MACROD2: variants seen among roughly 807,000 people sequenced by gnomAD.
MACROD2 encodes mono-ADP ribosylhydrolase 2.
In MACROD2, 36 loss-of-function variants were observed where a neutral mutation model predicts 70.4. The observed-to-expected ratio is 0.51, with a 90% CI of 0.39 to 0.68. The LOEUF (loss-of-function observed/expected upper bound fraction) is 0.68, where lower values mean the gene tolerates loss of function less well. MACROD2 is among the 30% of genes least tolerant of loss of function. MACROD2 has a pLI of 0.00. For missense variants in MACROD2, 496 were observed against 538.4 expected (o/e 0.92, Z 0.78); for synonymous variants, 172 against 178.8 (o/e 0.96, Z 0.30).
At chr20:15,934,844 C>T (rs767415049) in intron 11 of MACROD2, among the ~76,000 whole-genome samples, 17 of 151,964 alleles carry the variant, frequency 1.1e-4, no homozygotes, top group African/African-American at 1.5e-4. Context: ...ACTACAGGCA[C>T]GCACCACCAT....
intron 3 of MACROD2, among the ~76,000 whole-genome samples, chr20:14,176,720 G>A (rs1269011620): frequency 6.6e-6 from 1 of 152,110 alleles, no homozygotes; most frequent in Non-Finnish European, 1.5e-5. Context: ...AAGAAGAAAT[G>A]TTATGCTCTT....
intron 10 of MACROD2, among the ~76,000 whole-genome samples, chr20:15,904,085 C>T (rs1939668146): frequency 6.6e-6 from 1 of 152,202 alleles, no homozygotes; most frequent in African/African-American, 2.4e-5. Flanking sequence ...ACTATTCATA[C>T]AGTCTTCTTG....
Position 14,357,682 on chromosome 20 carries a change from C to T in MACROD2, c.272-135797C>T, listed in dbSNP as rs187240605. Among the ~76,000 whole-genome samples the T allele has an allele frequency of 3.9e-5, 6 of 152,334 alleles. No individual in the cohort carries two copies. In the East Asian group the frequency reaches 1.2e-3, roughly 29 times the overall value. ...GAAGTGTGATTTCCACTGGCTTCTC[C>T]TTAGAACTCTGGGTTGCAAACAACT... On this transcript the variant is annotated intron_variant, in intron 3 of 17. Coordinates refer to ENST00000684519, the MANE Select transcript of MACROD2 (RefSeq NM_001351661.2).
At chr20:15,786,945 A>C (rs1370010523) in intron 8 of MACROD2, among the ~76,000 whole-genome samples, 2 of 152,066 alleles carry the variant, frequency 1.3e-5, no homozygotes, top group Non-Finnish European at 2.9e-5. Context: ...TGTAGGAATA[A>C]AGAAAATTTT....
chr20:15,528,715 A>G (rs1600539419), intron 8 of MACROD2, among the ~76,000 whole-genome samples: 1 of 141,254 alleles, frequency 7.1e-6, no homozygotes, highest in Non-Finnish European at 1.5e-5. Context: ...GTTCCTTTGC[A>G]GTTATGTGGT....
intron 6 of MACROD2, among the ~76,000 whole-genome samples, chr20:15,286,050 G>T (rs909486623): frequency 6.6e-6 from 1 of 151,658 alleles, no homozygotes; most frequent in African/African-American, 2.4e-5. Context: ...AGTCTTTCTT[G>T]CTTGGAAAAA....
intron 5 of MACROD2, among the ~76,000 whole-genome samples, chr20:14,762,121 G>T (rs937004726): frequency 1.3e-5 from 2 of 152,014 alleles, no homozygotes; most frequent in African/African-American, 2.4e-5. Flanking sequence ...TCACTTCCTT[G>T]CCTGGGACCC....
chr20:15,153,928 A>G lies in MACROD2; in HGVS notation c.419-76012A>G, dbSNP rs16995387. Reference sequence around the variant, plus strand: ...TATACTTTGACAGAATGTTCAAAGGATGTCCTCTTACTGTGAACAACACAA... The same window carrying G: ...TATACTTTGACAGAATGTTCAAAGGGTGTCCTCTTACTGTGAACAACACAA... On this transcript the variant is annotated intron_variant, in intron 5 of 17. Transcript: ENST00000684519. 3.4e-3 allele frequency among the ~76,000 whole-genome samples: 519 copies of G among 152,304 alleles called. 1 individual carries two copies. The highest frequency in any genetic ancestry group is 0.011 in the African/African-American group (477 of 41,564).
chr20:14,817,565 C>T (rs781288597), intron 5 of MACROD2, among the ~76,000 whole-genome samples: 5 of 152,168 alleles, frequency 3.3e-5, no homozygotes, highest in Non-Finnish European at 7.4e-5. Context: ...GCTGATTGCA[C>T]GTTGACTTCT....
At chr20:14,841,723 A>G (rs1358857445) in intron 5 of MACROD2, among the ~76,000 whole-genome samples, 1 of 152,076 alleles carries the variant, frequency 6.6e-6, no homozygotes, top group African/African-American at 2.4e-5. Context: ...TTATAAGTAA[A>G]CTTGAGTTTT....
intron 5 of MACROD2, among the ~76,000 whole-genome samples, chr20:15,104,933 G>GA (rs1204282941): frequency 1.3e-5 from 2 of 152,064 alleles, no homozygotes; most frequent in South Asian, 2.1e-4. Flanking sequence ...TAAAAGTCCA[G>GA]AAAAAAGGTG....
At chr20:15,042,073 A>G (rs935283352) in intron 5 of MACROD2, among the ~76,000 whole-genome samples, 2 of 152,166 alleles carry the variant, frequency 1.3e-5, no homozygotes, top group Non-Finnish European at 2.9e-5. Context: ...TAAGAAATAA[A>G]CACATGATTC....
chr20:14,861,841 T>C (rs554998768), intron 5 of MACROD2, among the ~76,000 whole-genome samples: 1 of 147,322 alleles, frequency 6.8e-6, no homozygotes, highest in African/African-American at 2.5e-5. Context: ...TCAGTGGCTC[T>C]CCTGCTGCTG....
At chr20:15,565,983 T>C (rs527430644) in intron 8 of MACROD2, among the ~76,000 whole-genome samples, 8 of 152,190 alleles carry the variant, frequency 5.3e-5, no homozygotes, top group African/African-American at 1.9e-4. Flanking sequence ...GCCTTATCTG[T>C]GAAATAAAAC....
chr20:15,742,128 T>C (rs1306588849), intron 8 of MACROD2, among the ~76,000 whole-genome samples: 1 of 152,218 alleles, frequency 6.6e-6, no homozygotes, highest in African/African-American at 2.4e-5. Flanking sequence ...CTATTTTCTT[T>C]ATAGTATAAA....
chr20:15,902,758 C>T (rs190455431), intron 10 of MACROD2, among the ~76,000 whole-genome samples: 1 of 152,042 alleles, frequency 6.6e-6, no homozygotes, highest in Non-Finnish European at 1.5e-5. Flanking sequence ...GTGAGTGAAC[C>T]GTCTTGGAGT....
chr20:15,297,110 G>A (rs1324179247), intron 6 of MACROD2, among the ~76,000 whole-genome samples: 3 of 152,128 alleles, frequency 2.0e-5, no homozygotes, highest in Non-Finnish European at 4.4e-5. Flanking sequence ...TTCGTCCTCT[G>A]CTGCCTCTTG....
rs991214777 is a variant in MACROD2 at position 16,050,305 on chromosome 20, T to A, written c.*429T>A. On this transcript the variant is annotated 3_prime_UTR_variant, in exon 18 of 18. Coordinates refer to ENST00000684519, the MANE Select transcript of MACROD2 (RefSeq NM_001351661.2). Reference sequence around the variant, plus strand: ...GGTTTGATAAGCTGCAGGATAAATTTTAGGAATCAATGAGCCCAGCAGCAG... The same window carrying A: ...GGTTTGATAAGCTGCAGGATAAATTATAGGAATCAATGAGCCCAGCAGCAG... 1 of 157,144 alleles carries A rather than the reference T, an allele frequency of 6.4e-6. No homozygotes were observed. The highest frequency in any genetic ancestry group is 6.4e-5 in the Admixed American group (1 of 15,542). 9.7% of individuals were successfully genotyped at this position (157,144 alleles called of 1,614,324 possible). A position where few individuals can be genotyped will look rare whatever the true frequency, so the allele number is the denominator to read the frequency against.
intron 3 of MACROD2, among the ~76,000 whole-genome samples, chr20:14,385,068 C>T (rs2122783748): frequency 6.6e-6 from 1 of 152,116 alleles, no homozygotes; most frequent in South Asian, 2.1e-4. Context: ...TTATAGAAGC[C>T]ATCAAATTGG....
Sources: allele counts gnomAD v4.1 joint callset (sites outside exome capture counted in the v4.1 genomes callset), GRCh38; gene constraint gnomAD v4.1.1; transcripts MANE v1.5; gene names NCBI Gene and HGNC (gene_info 2026-07-23, HGNC 2026-07-21).